Variants in TRIM2 observed in about 807,000 individuals in gnomAD.
TRIM2 encodes tripartite motif-containing protein 2.
In TRIM2, 20 loss-of-function variants were observed where a neutral mutation model predicts 75.2. The observed-to-expected ratio is 0.27, with a 90% CI of 0.19 to 0.39. TRIM2 has a LOEUF of 0.39. TRIM2 is among the 10% of genes least tolerant of loss of function. The pLI, the probability that TRIM2 is intolerant of heterozygous loss-of-function variation, is 1.00. For missense variants in TRIM2, 660 were observed against 990.8 expected (o/e 0.67, Z 4.48); for synonymous variants, 373 against 388.3 (o/e 0.96, Z 0.46).
rs929874944 is a variant in TRIM2 at position 153,154,570 on chromosome 4, C to T, written c.-49+1300C>T. On this transcript the variant is annotated intron_variant, in intron 1 of 11. Coordinates refer to the TRIM2 transcript ENST00000437508. ...TTCCATCTCCCACCAAGCAGCTTTT[C>T]TTTTAACCTGACATTGGAGGATTGG... 2.0e-5 allele frequency among the ~76,000 whole-genome samples: 3 copies of T among 152,286 alleles called. No individual in the cohort carries two copies. In the South Asian group the frequency reaches 6.2e-4, roughly 32 times the overall value.
At position 153,337,672 on chromosome 4, in the gene TRIM2, A is replaced by G; in HGVS notation, c.*2706A>G. ...TTTAAATGAAATTTTGTCACATTCT[A>G]TGGAAAATGGTTTCTGGTAAACTGA... On this transcript the variant is annotated 3_prime_UTR_variant, in exon 12 of 12. Coordinates refer to ENST00000338700, the MANE Select transcript of TRIM2 (RefSeq NM_015271.5). 4.1e-6 allele frequency: 4 copies of G among 985,870 alleles called. No homozygotes were observed. Among genetic ancestry groups the G allele is most frequent in the Non-Finnish European group, 4.8e-6 (4 of 829,936 alleles). The allele number at this position is 985,870 out of a possible 1,614,324, so 61.1% of individuals were successfully genotyped here.
intron 1 of TRIM2, among the ~76,000 whole-genome samples, chr4:153,174,531 C>T (rs1731217702): frequency 6.6e-6 from 1 of 152,180 alleles, no homozygotes; most frequent in Non-Finnish European, 1.5e-5. Context: ...ACAGATCAGA[C>T]AGGCTGCCCT....
At chr4:153,221,902 GAA>G (rs1740340481) in intron 1 of TRIM2, among the ~76,000 whole-genome samples, 2 of 102,972 alleles carry the variant, frequency 1.9e-5, no homozygotes, top group South Asian at 4.7e-4. Flanking sequence ...AAGGAGGGAG[GAA>G]GGAAGGGAGG....
intron 1 of TRIM2, among the ~76,000 whole-genome samples, chr4:153,206,174 G>A (rs1432181752): frequency 6.6e-6 from 1 of 152,242 alleles, no homozygotes; most frequent in Admixed American, 6.5e-5. Flanking sequence ...TGCAGTGAGT[G>A]CAGACCCTGA....
chr4:153,226,487 T>C lies in TRIM2; in HGVS notation c.30+21927T>C, dbSNP rs553604417. ...CTGGAACAAGGGCAATTTGTAGAAA[T>C]ATGCTGCAGGCAGTTGGAGTTTTGA... is the stretch of plus-strand genomic sequence containing the variant. On this transcript the variant is annotated intron_variant, in intron 1 of 11. Coordinates refer to ENST00000338700, the MANE Select transcript of TRIM2 (RefSeq NM_015271.5). Among the ~76,000 whole-genome samples the C allele has an allele frequency of 2.0e-5, 3 of 152,342 alleles. No individual in the cohort carries two copies. The South Asian group carries it at 6.2e-4, about 32-fold the overall frequency.
chr4:153,236,683 C>CTTT (rs58755039), intron 1 of TRIM2, among the ~76,000 whole-genome samples: 3,722 of 136,644 alleles, frequency 0.027, 91 homozygotes, highest in South Asian at 0.034. Context: ...CTTTTCTTTT[C>CTTT]TTTTTCCTTT....
intron 1 of TRIM2, among the ~76,000 whole-genome samples, chr4:153,225,215 G>A (rs1019885896): frequency 3.3e-5 from 5 of 152,114 alleles, no homozygotes; most frequent in African/African-American, 1.2e-4. Flanking sequence ...ACACTGCTTG[G>A]TTTATATCAA....
intron 6 of TRIM2, among the ~76,000 whole-genome samples, chr4:153,304,850 G>A (rs1228820107): frequency 6.6e-6 from 1 of 152,240 alleles, no homozygotes; most frequent in African/African-American, 2.4e-5. Flanking sequence ...TACAGGTGGT[G>A]AGAAGGCTTT....
intron 1 of TRIM2, among the ~76,000 whole-genome samples, chr4:153,239,836 T>C (rs557503982): frequency 0.015 from 1,810 of 123,618 alleles, 25 homozygotes; most frequent in Non-Finnish European, 0.021. Flanking sequence ...TTCTTTCTCT[T>C]TTTTTTTTTT....
At chr4:153,236,850 C>T (rs898982619) in intron 1 of TRIM2, among the ~76,000 whole-genome samples, 1 of 152,102 alleles carries the variant, frequency 6.6e-6, no homozygotes, top group African/African-American at 2.4e-5. Context: ...TACCACCATA[C>T]CTGGCTAATT....
chr4:153,328,049 T>C (rs1042705031), intron 10 of TRIM2, among the ~76,000 whole-genome samples: 3 of 152,210 alleles, frequency 2.0e-5, no homozygotes, highest in African/African-American at 7.2e-5. Context: ...TTTCTAGTTA[T>C]GTTGATGTAG....
intron 6 of TRIM2, among the ~76,000 whole-genome samples, chr4:153,312,948 ATTTG>A (rs1452732416): frequency 6.6e-6 from 1 of 152,144 alleles, no homozygotes; most frequent in Non-Finnish European, 1.5e-5. Context: ...CAAAAATAAT[ATTTG>A]TTTTAAAACA....
intron 3 of TRIM2, among the ~76,000 whole-genome samples, chr4:153,286,672 C>A (rs1401978777): frequency 6.6e-6 from 1 of 151,578 alleles, no homozygotes; most frequent in Non-Finnish European, 1.5e-5. Context: ...TAGTAATTTC[C>A]CCACCACTTT....
chr4:153,198,471 T>C (rs1256365449), intron 1 of TRIM2, among the ~76,000 whole-genome samples: 1 of 152,164 alleles, frequency 6.6e-6, no homozygotes, highest in East Asian at 1.9e-4. Context: ...CCACCATGAT[T>C]ACGAGACCTC....
chr4:153,332,613 C>A (rs1408545585), intron 11 of TRIM2, among the ~76,000 whole-genome samples: 1 of 151,574 alleles, frequency 6.6e-6, no homozygotes, highest in Non-Finnish European at 1.5e-5. Flanking sequence ...CCATTGCACT[C>A]CAGCCTGGGT....
intron 1 of TRIM2, among the ~76,000 whole-genome samples, chr4:153,170,104 T>C (rs1730693200): frequency 1.3e-5 from 2 of 151,546 alleles, no homozygotes; most frequent in South Asian, 4.2e-4. Flanking sequence ...AGGATAACAG[T>C]GTTAGCCTTT....
chr4:153,315,239 G>T lies in TRIM2; in HGVS notation c.1511-246G>T, dbSNP rs570713220. On this transcript the variant is annotated intron_variant, in intron 6 of 11. Transcript: ENST00000338700. ...AATATTTTAAACATGTTAATATGCA[G>T]CTACAAATTAATAAGAGAAGATTGA... 3.3e-5 allele frequency among the ~76,000 whole-genome samples: 5 copies of T among 152,288 alleles called. No individual in the cohort carries two copies. In the South Asian group the frequency reaches 1.0e-3, roughly 32 times the overall value.
intron 1 of TRIM2, among the ~76,000 whole-genome samples, chr4:153,222,045 GA>G (rs1273576697): frequency 6.7e-6 from 1 of 148,746 alleles, no homozygotes; most frequent in East Asian, 2.0e-4. Flanking sequence ...AAAGAGCGAG[GA>G]AGGGAGGGAG....
chr4:153,256,083 T>G (rs1752011087), intron 1 of TRIM2, among the ~76,000 whole-genome samples: 1 of 152,192 alleles, frequency 6.6e-6, no homozygotes, highest in African/African-American at 2.4e-5. Flanking sequence ...GCCATTAAAT[T>G]GTACACTTTA....
Sources: gnomAD v4.1 joint callset for allele counts (sites outside exome capture counted in the v4.1 genomes callset) on GRCh38, gnomAD v4.1.1 for gene constraint, MANE v1.5 for transcripts, NCBI Gene and HGNC (gene_info 2026-07-23, HGNC 2026-07-21) for gene names.